HECW2: variants seen among roughly 807,000 people sequenced by gnomAD.
HECW2 encodes the protein HECT, C2 and WW domain containing E3 ubiquitin protein ligase 2, also known as E3 ubiquitin-protein ligase HECW2.
Under a neutral mutation model 175.2 loss-of-function variants are expected in HECW2, and 61 were observed. That is an observed-to-expected ratio of 0.35 (90% CI 0.28 to 0.43). HECW2 has a LOEUF of 0.43. Among genes scored for constraint, HECW2 ranks in the 20% least tolerant of loss-of-function variants. HECW2 has a pLI of 1.00. For missense variants in HECW2, 1,524 were observed against 2,000.5 expected (o/e 0.76, Z 4.54); for synonymous variants, 671 against 731.0 (o/e 0.92, Z 1.32).
At chr2:196,305,770 A>G (rs1374549523) in intron 13 of HECW2, among the ~76,000 whole-genome samples, 1 of 151,860 alleles carries the variant, frequency 6.6e-6, no homozygotes, top group Non-Finnish European at 1.5e-5. Flanking sequence ...CTTTTTGTCT[A>G]TTTTCTTATA....
rs371042902 is a variant in HECW2 at position 196,318,640 on chromosome 2, G to A, written c.2250C>T (p.Ala750=). ...TGCCTTCTTCTTGCGGTGGGCTCTC[G>A]GCAGCAGCTGCAGCTCCCTCCAGGC... The part of the protein sequence containing the change: ...RGSLEGAAAA[A]ESPPQEEGSA... Residue 750 remains alanine, a synonymous_variant, in exon 9 of 29, where the codon GCC becomes GCT. Coordinates refer to ENST00000644978, the MANE Select transcript of HECW2 (RefSeq NM_001348768.2). The A allele has an allele frequency of 1.1e-5, 18 of 1,597,852 alleles. No homozygotes were observed. Among genetic ancestry groups the A allele is most frequent in the Middle Eastern group, 1.7e-4 (1 of 5,970 alleles).
chr2:196,489,450 G>A (rs1687114311), intron 1 of HECW2, among the ~76,000 whole-genome samples: 1 of 137,246 alleles, frequency 7.3e-6, no homozygotes, highest in Non-Finnish European at 1.5e-5. Flanking sequence ...GGACTAATGA[G>A]TGACCAGAAG....
chr2:196,450,568 T>C (rs1185042235), intron 1 of HECW2, among the ~76,000 whole-genome samples: 1 of 150,970 alleles, frequency 6.6e-6, no homozygotes, highest in Non-Finnish European at 1.5e-5. Context: ...CTTGGCTCAC[T>C]GCAACCTCTG....
chr2:196,236,513 T>C (rs1462387328), intron 21 of HECW2, among the ~76,000 whole-genome samples: 2 of 152,236 alleles, frequency 1.3e-5, no homozygotes, highest in Admixed American at 1.3e-4. Flanking sequence ...ATCCATACTT[T>C]ATCTACATTT....
chr2:196,246,633 A>AC (rs1575287796), intron 19 of HECW2, among the ~76,000 whole-genome samples: 3 of 151,096 alleles, frequency 2.0e-5, no homozygotes, highest in East Asian at 2.0e-4. Flanking sequence ...CTTGTGATCC[A>AC]CCCCCCTCAG....
intron 1 of HECW2, among the ~76,000 whole-genome samples, chr2:196,562,001 T>C (rs1690017100): frequency 6.6e-6 from 1 of 152,178 alleles, no homozygotes; most frequent in Non-Finnish European, 1.5e-5. Context: ...CCTTTTGACA[T>C]GGTTAGGAGA....
chr2:196,210,859 A>G (rs1005925003), intron 28 of HECW2, among the ~76,000 whole-genome samples: 4 of 151,734 alleles, frequency 2.6e-5, no homozygotes, highest in African/African-American at 9.7e-5. Context: ...CCTGACCTCA[A>G]GTGATCTGCC....
intron 2 of HECW2, among the ~76,000 whole-genome samples, chr2:196,387,507 T>C (rs763061004): frequency 3.9e-5 from 6 of 152,186 alleles, no homozygotes; most frequent in Non-Finnish European, 7.4e-5. Flanking sequence ...GATCTTGCAC[T>C]TCCCAGCCTC....
At chr2:196,322,359 A>T in intron 7 of HECW2, 119 bp downstream of exon 7, 1 of 719,670 alleles carries the variant, frequency 1.4e-6, no homozygotes, top group Non-Finnish European at 2.2e-6. Flanking sequence ...TTTTATTTTT[A>T]AAAGAATTGT....
intron 1 of HECW2, among the ~76,000 whole-genome samples, chr2:196,495,818 A>G (rs891371322): frequency 7.2e-5 from 11 of 152,232 alleles, no homozygotes; most frequent in African/African-American, 2.2e-4. Context: ...AGCTGGCATC[A>G]TATTTAGCAG....
At position 196,319,356 on chromosome 2, in the gene HECW2, G is replaced by T. The variant is rs767269804; in HGVS notation, c.1534C>A (p.Pro512Thr). ...GTGGAGGCTTCCTCATTCTCAACAG[G>T]GTTGTCCTCCAGCTTTGTCTGAGAT... ...LTSQTKLEDNPVENEEASTHE... is the reference protein window; with the variant it reads ...LTSQTKLEDNTVENEEASTHE... The change falls in exon 9 of 29, where the codon CCT becomes ACT. Residue 512 changes from proline (P) to threonine (T), a missense_variant. By Grantham distance (38) the Pro-to-Thr change is conservative (BLOSUM62 -1). This residue lies in a region of HECW2 where 604 missense variants were observed against 588.3 expected (regional missense o/e 1.03). Transcript: ENST00000644978. The T allele has an allele frequency of 1.9e-6, 3 of 1,614,176 alleles. No individual in the cohort carries two copies. The highest frequency in any genetic ancestry group is 4.5e-5 in the East Asian group (2 of 44,888).
At chr2:196,541,006 A>G (rs967892948) in intron 1 of HECW2, among the ~76,000 whole-genome samples, 2 of 152,220 alleles carry the variant, frequency 1.3e-5, no homozygotes, top group African/African-American at 4.8e-5. Flanking sequence ...CCTTCCGTCA[A>G]TCAGTATCTT....
At chr2:196,367,929 GATAC>G (rs1449270337) in intron 2 of HECW2, among the ~76,000 whole-genome samples, 2 of 150,096 alleles carry the variant, frequency 1.3e-5, no homozygotes, top group Non-Finnish European at 3.0e-5. Context: ...GAGATACATA[GATAC>G]ATATATATAT....
intron 1 of HECW2, among the ~76,000 whole-genome samples, chr2:196,482,752 C>T (rs1686884838): frequency 6.6e-6 from 1 of 152,144 alleles, no homozygotes; most frequent in Non-Finnish European, 1.5e-5. Flanking sequence ...TTGGACTTCA[C>T]TTACAAAATC....
intron 2 of HECW2, among the ~76,000 whole-genome samples, chr2:196,374,486 T>C (rs1201305544): frequency 1.3e-5 from 2 of 152,222 alleles, no homozygotes; most frequent in Non-Finnish European, 2.9e-5. Context: ...AACGCTTCAT[T>C]GTGGCTTAGT....
At chr2:196,333,905 C>A (rs1374783720) in intron 4 of HECW2, among the ~76,000 whole-genome samples, 1 of 151,970 alleles carries the variant, frequency 6.6e-6, no homozygotes, top group Non-Finnish European at 1.5e-5. Context: ...CACATTTTAC[C>A]CAAAATATGA....
At chr2:196,262,201 C>T (rs116529290) in intron 17 of HECW2, among the ~76,000 whole-genome samples, 4,222 of 152,086 alleles carry the variant, frequency 0.028, 74 homozygotes, top group Middle Eastern at 0.088. Context: ...AATTTTTAAA[C>T]ATTTTTGTAG....
At chr2:196,389,936 A>G (rs945069879) in intron 2 of HECW2, among the ~76,000 whole-genome samples, 3 of 151,958 alleles carry the variant, frequency 2.0e-5, no homozygotes, top group African/African-American at 7.2e-5. Flanking sequence ...GGACTACACC[A>G]CTCATGCTAA....
intron 1 of HECW2, among the ~76,000 whole-genome samples, chr2:196,539,887 T>A (rs951054172): frequency 2.3e-4 from 35 of 152,196 alleles, no homozygotes; most frequent in African/African-American, 8.2e-4. Flanking sequence ...GGTACATGAA[T>A]ATGCCTTGTT....
Sources: gnomAD v4.1 joint callset for allele counts (sites outside exome capture counted in the v4.1 genomes callset) on GRCh38, gnomAD v4.1.1 for gene constraint, gnomAD v4.1.1 regional missense constraint, MANE v1.5 for transcripts, NCBI Gene and HGNC (gene_info 2026-07-23, HGNC 2026-07-21) for gene names.